MTHFD2L: variants seen among roughly 807,000 people sequenced by gnomAD.
MTHFD2L encodes bifunctional methylenetetrahydrofolate dehydrogenase/cyclohydrolase 2, mitochondrial.
A neutral mutation model predicts 34.9 loss-of-function variants in MTHFD2L; 29 were observed. The ratio of observed to expected loss-of-function variants is 0.83; its 90% CI spans 0.62 to 1.13. The LOEUF (loss-of-function observed/expected upper bound fraction) is 1.13. Among genes scored for constraint, MTHFD2L ranks in the 50% most tolerant of loss-of-function variants. The pLI is 0.00. For synonymous variants in MTHFD2L, 167 were observed against 155.7 expected, an observed-to-expected ratio of 1.07 and a Z score of -0.54; for missense variants, 481 against 446.5, an observed-to-expected ratio of 1.08 and a Z score of -0.70.
chr4:74,252,358 G>T (rs1407639432), intron 6 of MTHFD2L, among the ~76,000 whole-genome samples: 2 of 151,910 alleles, frequency 1.3e-5, no homozygotes, highest in African/African-American at 4.8e-5. Context: ...ATATCTCGGG[G>T]GTCATAACAA....
intron 6 of MTHFD2L, among the ~76,000 whole-genome samples, chr4:74,227,753 T>A (rs568250371): frequency 9.2e-5 from 14 of 152,292 alleles, no homozygotes; most frequent in Admixed American, 2.6e-4. Flanking sequence ...ATCAACATGG[T>A]CTGACTTAGG....
At chr4:74,152,014 CT>C (rs1244405742) in intron 1 of MTHFD2L, among the ~76,000 whole-genome samples, 1 of 152,090 alleles carries the variant, frequency 6.6e-6, no homozygotes, top group Admixed American at 6.5e-5. Context: ...GATATATGAA[CT>C]GACACACTTC....
intron 6 of MTHFD2L, chr4:74,280,370 A>G (rs1190484268): frequency 2.6e-5 from 4 of 152,244 alleles, no homozygotes; most frequent in South Asian, 2.1e-4. Context: ...CCCCATGAAG[A>G]GTTCATGCAT....
intron 5 of MTHFD2L, among the ~76,000 whole-genome samples, chr4:74,222,767 C>A (rs1578521820): frequency 6.6e-6 from 1 of 151,982 alleles, no homozygotes; most frequent in Non-Finnish European, 1.5e-5. Context: ...TTCCTGAATT[C>A]TTGCATTTTC....
At chr4:74,272,812 T>G (rs1314909779) in intron 6 of MTHFD2L, among the ~76,000 whole-genome samples, 1 of 152,152 alleles carries the variant, frequency 6.6e-6, no homozygotes, top group South Asian at 2.1e-4. Flanking sequence ...GAGCAGAAAG[T>G]GAGGCTTCAT....
chr4:74,189,646 T>C (rs1732118352), intron 3 of MTHFD2L, among the ~76,000 whole-genome samples: 1 of 151,984 alleles, frequency 6.6e-6, no homozygotes, highest in Admixed American at 6.6e-5. Context: ...TGCCCAGAGA[T>C]TTTTAGTGGC....
At chr4:74,214,246 C>T (rs1434622041) in intron 5 of MTHFD2L, among the ~76,000 whole-genome samples, 1 of 151,770 alleles carries the variant, frequency 6.6e-6, no homozygotes, top group Non-Finnish European at 1.5e-5. Flanking sequence ...TAGTTTTGTT[C>T]CCTTGGTGGT....
chr4:74,266,906 CT>C (rs1745349708), intron 6 of MTHFD2L: 9 of 985,110 alleles, frequency 9.1e-6, no homozygotes, highest in Non-Finnish European at 1.1e-5. Flanking sequence ...GGCCTCATTT[CT>C]TTGTATTATC....
chr4:74,219,904 T>C (rs1295275517), intron 5 of MTHFD2L, among the ~76,000 whole-genome samples: 3 of 151,906 alleles, frequency 2.0e-5, no homozygotes, highest in African/African-American at 7.3e-5. Flanking sequence ...GAAAAAGGAG[T>C]GAAATTACCT....
chr4:74,209,365 C>G (rs1560489418), intron 5 of MTHFD2L, among the ~76,000 whole-genome samples: 1 of 152,122 alleles, frequency 6.6e-6, no homozygotes, highest in Non-Finnish European at 1.5e-5. Flanking sequence ...CCAACAGGCC[C>G]AGGTGTGTGT....
chr4:74,159,490 C>T (rs1724937427), intron 1 of MTHFD2L, among the ~76,000 whole-genome samples: 1 of 152,204 alleles, frequency 6.6e-6, no homozygotes, highest in Admixed American at 6.5e-5. Context: ...TTTAGGGGTG[C>T]TTTTCAGGGT....
At chr4:74,116,335 C>T (rs918586271) in intron 2 of MTHFD2L, among the ~76,000 whole-genome samples, 1 of 152,102 alleles carries the variant, frequency 6.6e-6, no homozygotes, top group Non-Finnish European at 1.5e-5. Context: ...AAACTAAATT[C>T]GAGTACCCTC....
At chr4:74,278,181 G>A (rs1452884123) in intron 6 of MTHFD2L, among the ~76,000 whole-genome samples, 2 of 152,050 alleles carry the variant, frequency 1.3e-5, no homozygotes, top group African/African-American at 4.8e-5. Context: ...ATGATTTCTA[G>A]ACTGATTCTA....
In MTHFD2L at chr4:74,269,266, GA is replaced by G. The variant is rs570798428; in HGVS notation, c.806-12153del. 4.4e-3 allele frequency among the ~76,000 whole-genome samples: 668 copies of G among 152,110 alleles called. 3 individuals are homozygous for G. Among genetic ancestry groups the G allele is most frequent in the Non-Finnish European group, 7.2e-3 (486 of 67,934 alleles). ...ATAAAAGGATTAATTAGCTTGGGGG[GA>G]AAAAACACAAGTTTTTCTCCATAAG... On this transcript the variant is annotated intron_variant, in intron 6 of 7. Transcript: ENST00000325278.
intron 3 of MTHFD2L, among the ~76,000 whole-genome samples, chr4:74,185,647 A>T (rs1731088142): frequency 6.6e-6 from 1 of 152,174 alleles, no homozygotes; most frequent in Non-Finnish European, 1.5e-5. Flanking sequence ...GAATATTCTC[A>T]GTAACATTAT....
At chr4:74,186,438 G>T in intron 3 of MTHFD2L, among the ~76,000 whole-genome samples, 3 of 88,198 alleles carry the variant, frequency 3.4e-5, no homozygotes, top group South Asian at 4.7e-4. Context: ...GGGAATCCAT[G>T]AAAAAAAAAA....
chr4:74,237,509 C>T (rs948493082), intron 6 of MTHFD2L, among the ~76,000 whole-genome samples: 9 of 152,210 alleles, frequency 5.9e-5, no homozygotes, highest in African/African-American at 1.9e-4. Flanking sequence ...ATTAGCTGGG[C>T]GTGGTGGTGC....
chr4:74,174,431 A>T (rs755276853), intron 1 of MTHFD2L, 75 bp from the exon 2 acceptor site: 106 of 1,157,152 alleles, frequency 9.2e-5, no homozygotes, highest in Non-Finnish European at 1.1e-4. Flanking sequence ...GGTTTTATTG[A>T]GTTTTGTACC....
chr4:74,293,612 C>T lies in MTHFD2L; in HGVS notation c.932-8085C>T, dbSNP rs1023237337. ...CTCCGGAGCACTTGATTCCTGGTTG[C>T]CTTCCAAGTTCAATGGCAAGCTACT... is the stretch of plus-strand genomic sequence containing the variant. On this transcript the variant is annotated intron_variant, in intron 7 of 7. Coordinates refer to ENST00000325278, the MANE Select transcript of MTHFD2L (RefSeq NM_001144978.3). The T allele has an allele frequency of 6.6e-6, 5 of 754,570 alleles. No individual in the cohort carries two copies. In the African/African-American group the frequency reaches 7.6e-5, roughly 11 times the overall value. 46.7% of individuals were successfully genotyped at this position (754,570 alleles called of 1,614,324 possible).
Sources: allele counts gnomAD v4.1 joint callset (sites outside exome capture counted in the v4.1 genomes callset), GRCh38; gene constraint gnomAD v4.1.1; transcripts MANE v1.5; gene names NCBI Gene and HGNC (gene_info 2026-07-23, HGNC 2026-07-21).